The following WDR77 variants were observed in gnomAD, a reference collection of about 807,000 sequenced individuals.
The protein encoded by WDR77 is methylosome protein WDR77.
A neutral mutation model predicts 44.0 loss-of-function variants in WDR77; 31 were observed. The observed-to-expected ratio is 0.70, with a 90% confidence interval of 0.53 to 0.95. The LOEUF is 0.95. Among genes scored for constraint, WDR77 ranks in the 40% least tolerant of loss-of-function variants. The pLI, the probability that WDR77 is intolerant of heterozygous loss-of-function variation, is 0.00. For synonymous variants in WDR77, 186 were observed against 165.7 expected, an observed-to-expected ratio of 1.12 and a Z score of -0.94; for missense variants, 390 against 423.9, an observed-to-expected ratio of 0.92 and a Z score of 0.70.
At chr1:111,441,838 G>C (rs186703347) in intron 9 of WDR77, among the ~76,000 whole-genome samples, 187 bp downstream of exon 9, 3 of 152,250 alleles carry the variant, frequency 2.0e-5, no homozygotes, top group Non-Finnish European at 2.9e-5. Flanking sequence ...GCTTGTCCTT[G>C]GGGTTGTGAA....
At position 111,444,085 on chromosome 1, in the gene WDR77, T is replaced by G; in HGVS notation, c.533A>C (p.His178Pro). 6.2e-7 allele frequency: 1 copy of G among 1,613,906 alleles called. No homozygotes were observed. The highest frequency in any genetic ancestry group is 8.5e-7 in the Non-Finnish European group (1 of 1,180,016). The change falls in exon 5 of 10, where the codon CAC becomes CCC. Residue 178 changes from histidine (H) to proline (P), a missense_variant. By Grantham distance (77) the His-to-Pro change is moderately conservative (BLOSUM62 -2). Coordinates refer to ENST00000235090, the MANE Select transcript of WDR77 (RefSeq NM_024102.4). ...GCATGAAAGAAACACAGAGTCCTTG[T>G]GAGGAGAGGCAGCAACACAAGTGAC... ...AQVTCVAASP[H>P]KDSVFLSCSE...
chr1:111,442,137 C>A, intron 8 of WDR77, 44 bp from the exon 9 acceptor site: 1 of 1,592,668 alleles, frequency 6.3e-7, no homozygotes, highest in East Asian at 2.2e-5. Flanking sequence ...AGCCTGGATC[C>A]CAAGACAAAA....
At chr1:111,443,722 C>A (rs1652908051) in intron 6 of WDR77, 145 bp downstream of exon 6, 5 of 1,487,952 alleles carry the variant, frequency 3.4e-6, no homozygotes, top group Non-Finnish European at 4.5e-6. Flanking sequence ...TTAGCAGAGC[C>A]TCACTGGAAA....
intron 4 of WDR77, among the ~76,000 whole-genome samples, chr1:111,446,334 GT>G (rs1435014875): frequency 2.6e-5 from 4 of 152,176 alleles, no homozygotes; most frequent in Non-Finnish European, 5.9e-5. Context: ...TACTAGTGCT[GT>G]TAATGAAAGT....
At position 111,449,052 on chromosome 1, in the gene WDR77, C is replaced by T; in HGVS notation, c.115+3G>A. 1 of 1,582,924 alleles carries T rather than the reference C, an allele frequency of 6.3e-7. No individual in the cohort carries two copies. Among genetic ancestry groups the T allele is most frequent in the Non-Finnish European group, 8.6e-7 (1 of 1,165,856 alleles). On this transcript the variant is annotated splice_donor_region_variant and intron_variant, in intron 1 of 9. Coordinates refer to ENST00000235090, the MANE Select transcript of WDR77 (RefSeq NM_024102.4). ...AGCTCCCAGGCCCGGGATCTCGGCT[C>T]ACCGGACCGGTACCGCGCAGCCTCC...
rs1483088747 is a variant in WDR77, at chr1:111,448,800, C to T, written c.120G>A (p.Gly40=). ...QLEAARYRSD[G]ALLLGASSLS... ...GGCTGGAGGCCCCGAGGAGAAGCGC[C>T]CCATCTACGGGGGGTACAAGCTGTC... Residue 40 remains glycine, a synonymous_variant, in exon 2 of 10, where the codon GGG becomes GGA. Transcript: ENST00000235090. 1.9e-6 allele frequency: 3 copies of T among 1,575,786 alleles called. No homozygotes were observed. Among genetic ancestry groups the T allele is most frequent in the South Asian group, 1.1e-5 (1 of 87,524 alleles).
intron 8 of WDR77, 60 bp downstream of exon 8, chr1:111,442,593 A>G: frequency 8.3e-7 from 1 of 1,204,442 alleles, no homozygotes; most frequent in East Asian, 2.6e-5. Flanking sequence ...GAAAACATAC[A>G]CACACACCCT....
Position 111,443,320 on chromosome 1 carries a change from T to A in WDR77, c.691+3A>T. 1 of 1,551,484 alleles carries A rather than the reference T, an allele frequency of 6.4e-7. No individual in the cohort carries two copies. ...CAATATGAAGTCTGACACGCTGCCT[T>A]ACCAAAGACAAAGACTTCACTTTGC... On this transcript the variant is annotated splice_donor_region_variant and intron_variant, in intron 7 of 9. Transcript: ENST00000235090.
chr1:111,441,981 T>C lies in WDR77; in HGVS notation c.869+44A>G, dbSNP rs754915234. 1.9e-6 allele frequency: 3 copies of C among 1,574,754 alleles called. No homozygotes were observed. The East Asian group carries it at 6.7e-5, about 35-fold the overall frequency. On this transcript the variant is annotated intron_variant, in intron 9 of 9. Transcript: ENST00000235090. ...AGAGGAAAATGACTCGCCCACCCAC[T>C]GCTCCCCTTCCCTGATTCCCAAAGG...
intron 2 of WDR77, 95 bp from the exon 3 acceptor site, chr1:111,447,671 AAAGT>A: frequency 7.0e-7 from 1 of 1,436,632 alleles, no homozygotes; most frequent in Non-Finnish European, 9.7e-7. Context: ...CTAAATTAAC[AAAGT>A]AAGTTAGTTA....
At chr1:111,441,429 G>A (rs766381641) in intron 9 of WDR77, 40 bp from the exon 10 acceptor site, 3 of 1,441,356 alleles carry the variant, frequency 2.1e-6, no homozygotes, top group South Asian at 3.1e-5. Flanking sequence ...GTAGAGACAA[G>A]AAAAGCAGAC....
chr1:111,444,101 C>G lies in WDR77; in HGVS notation c.517G>C (p.Val173Leu), dbSNP rs1447340892. The change falls in exon 5 of 10, where the codon GTT becomes CTT. Residue 173 changes from valine to leucine, a missense_variant. Val to Leu is a conservative substitution (Grantham distance 32). Coordinates refer to ENST00000235090, the MANE Select transcript of WDR77 (RefSeq NM_024102.4). ...YRAHAAQVTC[V>L]AASPHKDSVF... ...GAGTCCTTGTGAGGAGAGGCAGCAA[C>G]ACAAGTGACCTGAGCAGCATGAGCT... is the stretch of plus-strand genomic sequence containing the variant. 2 of 1,613,730 alleles carry G rather than the reference C, an allele frequency of 1.2e-6. No individual in the cohort carries two copies. Among genetic ancestry groups the G allele is most frequent in the African/African-American group, 2.7e-5 (2 of 74,842 alleles).
intron 4 of WDR77, among the ~76,000 whole-genome samples, chr1:111,445,673 G>C (rs1276229040): frequency 6.6e-6 from 1 of 152,244 alleles, no homozygotes; most frequent in Non-Finnish European, 1.5e-5. Context: ...TAACAAAAAG[G>C]CTGCATGGCA....
At chr1:111,443,492 G>T in intron 6 of WDR77, 98 bp from the exon 7 acceptor site, 1 of 1,357,090 alleles carries the variant, frequency 7.4e-7, no homozygotes, top group South Asian at 1.3e-5. Context: ...ACCTTTATTT[G>T]ATTTCCCAAA....
At position 111,448,624 on chromosome 1, in the gene WDR77, T is replaced by G; in HGVS notation, c.296A>C (p.Asp99Ala). ...VGERGILVASDSGAVELWELD... is the reference protein window; with the variant it reads ...VGERGILVASASGAVELWELD... Reference sequence around the variant, plus strand: ...ATAATGGGATAGTGACTCACCTGAATCGGAGGCCACTAGAATACCTCTCTC... The same window carrying G: ...ATAATGGGATAGTGACTCACCTGAAGCGGAGGCCACTAGAATACCTCTCTC... The change falls in exon 2 of 10, where the codon GAT becomes GCT. Residue 99 changes from aspartate (D) to alanine (A), a missense_variant. Coordinates refer to ENST00000235090, the MANE Select transcript of WDR77 (RefSeq NM_024102.4). 1 of 1,613,966 alleles carries G rather than the reference T, an allele frequency of 6.2e-7. No individual in the cohort carries two copies. Among genetic ancestry groups the G allele is most frequent in the Non-Finnish European group, 8.5e-7 (1 of 1,179,970 alleles).
rs771519703 is a variant in WDR77, at chr1:111,447,458, A to T, written c.420T>A (p.Ala140=). The change falls in exon 3 of 10, where the codon GCT becomes GCA. Residue 140 remains alanine (A), a synonymous_variant. Coordinates refer to ENST00000235090, the MANE Select transcript of WDR77 (RefSeq NM_024102.4). The part of the protein sequence containing the change: ...TVSVLSSGTQ[A]VSGSKDICIK... Reference sequence around the variant, plus strand: ...ACCAGATGTCTTTGCTACCACTGACAGCTTGTGTGCCAGAGCTCAAGACAC... The same window carrying T: ...ACCAGATGTCTTTGCTACCACTGACTGCTTGTGTGCCAGAGCTCAAGACAC... 3 of 1,614,092 alleles carry T rather than the reference A, an allele frequency of 1.9e-6. No individual in the cohort carries two copies. Among genetic ancestry groups the T allele is most frequent in the South Asian group, 2.2e-5 (2 of 91,088 alleles).
At chr1:111,443,441 G>C (rs759946414) in intron 6 of WDR77, 47 bp from the exon 7 acceptor site, 9 of 1,518,560 alleles carry the variant, frequency 5.9e-6, no homozygotes, top group Non-Finnish European at 7.2e-6. Context: ...GAGTACAGAA[G>C]AAGCAGTTTC....
chr1:111,442,717 T>C lies in WDR77; in HGVS notation c.736A>G (p.Ser246Gly). The change falls in exon 8 of 10, where the codon AGC becomes GGC. Residue 246 changes from serine (S) to glycine (G), a missense_variant. By Grantham distance (56) the Ser-to-Gly change is moderately conservative. Coordinates refer to ENST00000235090, the MANE Select transcript of WDR77 (RefSeq NM_024102.4). The stretch of plus-strand genomic sequence containing the variant: ...TGTACAGCTGAGCTCAGGACACAGC[T>C]TGTACTCTTGGTGTCCACAAGGGAG... ...TVSLVDTKST[S>G]CVLSSAVHSQ... The C allele has an allele frequency of 6.2e-7, 1 of 1,600,840 alleles. No homozygotes were observed. The highest frequency in any genetic ancestry group is 8.5e-7 in the Non-Finnish European group (1 of 1,170,716).
In WDR77 at chr1:111,441,295, C is replaced by T. The variant is rs764337652; in HGVS notation, c.964G>A (p.Val322Ile). ...TCTGTGGGCACAACGTGGTGGACGA[C>T]CTGATGGTCCCAGCCCACTGTGGTA... ...LLTTVGWDHQ[V>I]VHHVVPTEPL... Residue 322 changes from valine (V) to isoleucine (I), a missense_variant, in exon 10 of 10, where the codon GTC (valine) becomes ATC (isoleucine). Physicochemically the swap from Val to Ile is conservative, Grantham distance 29. Transcript: ENST00000235090. 4.4e-6 allele frequency: 7 copies of T among 1,586,224 alleles called. 1 individual carries two copies. In the South Asian group the frequency reaches 6.9e-5, roughly 16 times the overall value.
Sources: gnomAD v4.1 joint callset for allele counts (sites outside exome capture counted in the v4.1 genomes callset) on GRCh38, gnomAD v4.1.1 for gene constraint, MANE v1.5 for transcripts, NCBI Gene and HGNC (gene_info 2026-07-23, HGNC 2026-07-21) for gene names.